The following ADGB variants were observed in gnomAD, a reference collection of about 807,000 sequenced individuals.
The protein encoded by ADGB is calpain-7-like protein.
In ADGB, 172 loss-of-function variants were observed where a neutral mutation model predicts 210.5. The ratio of observed to expected loss-of-function variants is 0.82; its 90% CI spans 0.72 to 0.93. ADGB has a LOEUF of 0.93. Among genes scored for constraint, ADGB ranks in the 40% least tolerant of loss-of-function variants. The probability of loss-of-function intolerance (pLI) is 0.00; values close to 1 mark genes in which losing one functional copy is unlikely to be tolerated. For synonymous variants in ADGB, 658 were observed against 662.7 expected (o/e 0.99, Z 0.11); for missense variants, 2,025 against 1,964.8 (o/e 1.03, Z -0.58).
intron 35 of ADGB, among the ~76,000 whole-genome samples, chr6:146,813,313 T>TA (rs139513998): frequency 0.04 from 6,055 of 152,208 alleles, 403 homozygotes; most frequent in African/African-American, 0.14. Flanking sequence ...GGATATGTCT[T>TA]AGAGTTTCAA....
intron 3 of ADGB, among the ~76,000 whole-genome samples, chr6:146,647,707 T>C (rs1183613377): frequency 1.3e-5 from 2 of 152,112 alleles, no homozygotes; most frequent in African/African-American, 4.8e-5. Flanking sequence ...TTACAGGATC[T>C]AATGAAAAAG....
At chr6:146,657,810 CT>C (rs771427056) in intron 5 of ADGB, among the ~76,000 whole-genome samples, 1 of 152,164 alleles carries the variant, frequency 6.6e-6, no homozygotes, top group Non-Finnish European at 1.5e-5. Flanking sequence ...GTAAGCAAAT[CT>C]TACCCTGAGA....
At chr6:146,715,682 A>C (rs1776722282) in intron 14 of ADGB, among the ~76,000 whole-genome samples, 1 of 152,194 alleles carries the variant, frequency 6.6e-6, no homozygotes, top group Non-Finnish European at 1.5e-5. Context: ...CGAAACACTA[A>C]AACCACTGCA....
rs1346374162 is a variant in ADGB, at chr6:146,784,756, C to T, written c.4174C>T (p.Gln1392Ter). The T allele has an allele frequency of 3.9e-6, 6 of 1,550,820 alleles. No individual in the cohort carries two copies. Among genetic ancestry groups the T allele is most frequent in the Non-Finnish European group, 5.2e-6 (6 of 1,146,634 alleles). ...ERADEIRAMK[Q>*]AWETTEPGRA... ...GGCAGATGAAATCCGAGCCATGAAA[C>T]AAGCCTGGGAGACAACTGAGCCAGG... Residue 1392 changes from glutamine to a stop codon, truncating the protein, a stop_gained, in exon 31 of 36, where the codon CAA becomes TAA. Transcript: ENST00000397944. LOFTEE classifies it high-confidence loss of function.
chr6:146,701,808 A>G (rs553564377), intron 13 of ADGB, among the ~76,000 whole-genome samples: 27 of 152,124 alleles, frequency 1.8e-4, no homozygotes, highest in African/African-American at 6.3e-4. Context: ...TAGTTGCTAT[A>G]GTTACCTAGC....
At chr6:146,609,905 T>G (rs1404804306) in intron 1 of ADGB, among the ~76,000 whole-genome samples, 1 of 152,108 alleles carries the variant, frequency 6.6e-6, no homozygotes, top group Non-Finnish European at 1.5e-5. Flanking sequence ...TAGGGGTAGG[T>G]GACCTGCCCC....
chr6:146,757,237 A>G (rs987620315), intron 27 of ADGB, among the ~76,000 whole-genome samples: 2 of 152,014 alleles, frequency 1.3e-5, no homozygotes, highest in African/African-American at 2.4e-5. Context: ...TTCAATATTC[A>G]ATGATATTTG....
At chr6:146,604,685 C>T (rs1780607580) in intron 1 of ADGB, among the ~76,000 whole-genome samples, 1 of 152,124 alleles carries the variant, frequency 6.6e-6, no homozygotes. Flanking sequence ...TGGTAGGCCC[C>T]AGATAATAAG....
chr6:146,632,119 C>T (rs201156264), intron 1 of ADGB, among the ~76,000 whole-genome samples: 1 of 152,038 alleles, frequency 6.6e-6, no homozygotes, highest in East Asian at 1.9e-4. Flanking sequence ...TTGACAAATT[C>T]ATTTGGAATT....
chr6:146,666,855 G>T lies in ADGB; in HGVS notation c.792G>T (p.Thr264=). 1.3e-6 allele frequency: 2 copies of T among 1,547,964 alleles called. No homozygotes were observed. Among genetic ancestry groups the T allele is most frequent in the Non-Finnish European group, 1.7e-6 (2 of 1,144,162 alleles). The change falls in exon 7 of 36, where the codon ACG becomes ACT. Residue 264 remains threonine, a synonymous_variant. Coordinates refer to ENST00000397944, the MANE Select transcript of ADGB (RefSeq NM_024694.4). ...ACAGGAGAGAGCTGGGGGAGTTCAC[G>T]GTTATTCATGCGCTCACAGGATGGT... ...VADRRELGEF[T]VIHALTGWLP...
intron 9 of ADGB, among the ~76,000 whole-genome samples, chr6:146,679,091 T>C (rs1340198080): frequency 6.6e-6 from 1 of 152,188 alleles, no homozygotes; most frequent in Non-Finnish European, 1.5e-5. Context: ...ATATCACTTC[T>C]GGTCTCATTC....
At chr6:146,625,611 T>A (rs1159272969) in intron 1 of ADGB, among the ~76,000 whole-genome samples, 2 of 152,182 alleles carry the variant, frequency 1.3e-5, no homozygotes, top group East Asian at 3.9e-4. Context: ...ACATGCAATA[T>A]GGTTGTTTTT....
intron 1 of ADGB, among the ~76,000 whole-genome samples, chr6:146,618,733 T>A (rs1354186536): frequency 6.6e-6 from 1 of 152,124 alleles, no homozygotes; most frequent in Non-Finnish European, 1.5e-5. Context: ...TGATTTTGAT[T>A]TTTTAAAATT....
At chr6:146,811,350 T>G (rs1778299654) in intron 35 of ADGB, among the ~76,000 whole-genome samples, 1 of 152,158 alleles carries the variant, frequency 6.6e-6, no homozygotes, top group Admixed American at 6.5e-5. Flanking sequence ...TTTTAATTGC[T>G]GTGTAACATT....
chr6:146,722,598 T>G (rs943834278), intron 17 of ADGB, among the ~76,000 whole-genome samples: 3 of 152,198 alleles, frequency 2.0e-5, no homozygotes, highest in African/African-American at 4.8e-5. Context: ...TCTGTCATTC[T>G]TTTATTCTCC....
At chr6:146,785,072 G>T (rs1010396442) in intron 31 of ADGB, among the ~76,000 whole-genome samples, 6 of 152,042 alleles carry the variant, frequency 3.9e-5, no homozygotes, top group Non-Finnish European at 5.9e-5. Flanking sequence ...CATAGCCCTG[G>T]CTTTCTGCAC....
At chr6:146,654,095 T>A (rs1029586796) in intron 3 of ADGB, 40 bp from the exon 4 acceptor site, 10 of 1,264,790 alleles carry the variant, frequency 7.9e-6, no homozygotes, top group Non-Finnish European at 1.1e-5. Flanking sequence ...TTTTTATTAT[T>A]TTTCTTATGG....
chr6:146,672,247 G>A lies in ADGB; in HGVS notation c.867G>A (p.Glu289=), dbSNP rs1214006100. The A allele has an allele frequency of 3.9e-6, 6 of 1,540,414 alleles. No individual in the cohort carries two copies. Among genetic ancestry groups the A allele is most frequent in the Non-Finnish European group, 4.4e-6 (5 of 1,142,064 alleles). The change falls in exon 8 of 36, where the codon GAG becomes GAA. Residue 289 remains glutamate (E), a synonymous_variant. Transcript: ENST00000397944. ...LHPGYMDKVW[E]LLKEILPEFK... is the part of the protein sequence containing the mutation. Reference sequence around the variant, plus strand: ...CGGGATATATGGACAAAGTTTGGGAGCTCCTGAAAGAAATATTGCCTGAGT... The same window carrying A: ...CGGGATATATGGACAAAGTTTGGGAACTCCTGAAAGAAATATTGCCTGAGT...
chr6:146,604,975 A>G (rs1488847348), intron 1 of ADGB, among the ~76,000 whole-genome samples: 1 of 152,118 alleles, frequency 6.6e-6, no homozygotes, highest in African/African-American at 2.4e-5. Context: ...TTCAATTTCA[A>G]AAGGCACAGG....
Sources: allele counts gnomAD v4.1 joint callset (sites outside exome capture counted in the v4.1 genomes callset), GRCh38; gene constraint gnomAD v4.1.1; transcripts MANE v1.5; gene names NCBI Gene and HGNC (gene_info 2026-07-23, HGNC 2026-07-21).